The following MGST1 variants were observed in gnomAD, a reference collection of about 807,000 sequenced individuals.
The protein encoded by MGST1 is glutathione S-transferase 12.
Under a neutral mutation model 8.9 loss-of-function variants are expected in MGST1, and 5 were observed. The ratio of observed to expected loss-of-function variants is 0.56; its 90% confidence interval spans 0.29 to 1.19. The LOEUF (loss-of-function observed/expected upper bound fraction) is 1.19. Ranked by LOEUF, MGST1 falls within the 50% of genes most tolerant of loss-of-function variation. The pLI, the probability that MGST1 is intolerant of heterozygous loss-of-function variation, is 0.08. For missense variants in MGST1, 182 were observed against 187.4 expected (o/e 0.97, Z 0.17); for synonymous variants, 54 against 67.8 (o/e 0.80, Z 1.00).
intron 4 of MGST1, among the ~76,000 whole-genome samples, chr12:16,448,327 A>AT (rs1338059439): frequency 1.3e-5 from 2 of 151,884 alleles, no homozygotes; most frequent in Non-Finnish European, 1.5e-5. Flanking sequence ...ATGAGGAAGA[A>AT]TTTTTGAAAG....
chr12:16,465,780 CA>C (rs1304761549), intron 4 of MGST1, among the ~76,000 whole-genome samples: 1 of 152,114 alleles, frequency 6.6e-6, no homozygotes, highest in Non-Finnish European at 1.5e-5. Flanking sequence ...CTCCTTCCCC[CA>C]CCCCAATCTG....
chr12:16,362,128 T>C lies in MGST1; in HGVS notation c.222-1667T>C, dbSNP rs4149204. On this transcript the variant is annotated intron_variant, in intron 3 of 3. Transcript: ENST00000396210. The surrounding 1 kb of genome is among the most constrained non-coding windows in gnomAD (Gnocchi z 4.4). ...CTAAGATTGGAGGTGACGATATCTC[T>C]GTGATGCTGGGGGAGAAATCACAGG... Among the ~76,000 whole-genome samples, 43,228 of 152,082 alleles carry C rather than the reference T, an allele frequency of 0.28. 6,299 individuals carry two copies. Among genetic ancestry groups the C allele is most frequent in the Middle Eastern group, 0.31 (92 of 294 alleles).
In MGST1 at chr12:16,413,046, C is replaced by G. The variant is rs752093435; in HGVS notation, n.779-24342C>G. Among the ~76,000 whole-genome samples, 4 of 152,092 alleles carry G rather than the reference C, an allele frequency of 2.6e-5. No individual in the cohort carries two copies. The highest frequency in any genetic ancestry group is 5.9e-5 in the Non-Finnish European group (4 of 68,028). On this transcript the variant is annotated intron_variant and non_coding_transcript_variant, in intron 1 of 1. Coordinates refer to the MGST1 transcript ENST00000359720. The surrounding 1 kb of genome is among the most constrained non-coding windows in gnomAD (Gnocchi z 4.0). ...GAGTAGGGAACTCCTCAGTCCACCC[C>G]ACCTGTCCTGGATGGTGATAGTGAA...
rs1468822887 is a variant in MGST1 at position 16,363,663 on chromosome 12, A to G, written c.222-132A>G. The G allele has an allele frequency of 6.9e-6, 5 of 727,278 alleles. No homozygotes were observed. In the African/African-American group the frequency reaches 8.9e-5, roughly 13 times the overall value. 45.1% of individuals were successfully genotyped at this position (727,278 alleles called of 1,614,324 possible). ...GCAAGGAAGCAAGACAATTTGAGAG[A>G]AAAAAAATAAATCTTACTTTGAAAT... is the stretch of plus-strand genomic sequence containing the variant. On this transcript the variant is annotated intron_variant, in intron 3 of 3. Transcript: ENST00000396210. The surrounding 1 kb of genome is among the most constrained non-coding windows in gnomAD (Gnocchi z 4.6).
intron 4 of MGST1, among the ~76,000 whole-genome samples, chr12:16,521,915 A>T (rs531490569): frequency 6.0e-5 from 9 of 150,786 alleles, no homozygotes; most frequent in African/African-American, 2.2e-4. Flanking sequence ...ACACCTTTGA[A>T]CTGATCTATC....
At chr12:16,472,239 T>C (rs1287661726) in intron 4 of MGST1, among the ~76,000 whole-genome samples, 1 of 149,496 alleles carries the variant, frequency 6.7e-6, no homozygotes, top group Non-Finnish European at 1.5e-5. Flanking sequence ...ATAAAACAAC[T>C]TTTTTCTTGT....
intron 1 of MGST1, among the ~76,000 whole-genome samples, chr12:16,429,185 A>G (rs1053587310): frequency 1.3e-5 from 2 of 152,050 alleles, no homozygotes; most frequent in African/African-American, 4.8e-5. Context: ...TGTGCCTTGC[A>G]CTTCTGAATC....
intron 4 of MGST1, among the ~76,000 whole-genome samples, chr12:16,515,475 A>G (rs1941606203): frequency 1.3e-5 from 2 of 151,936 alleles, no homozygotes; most frequent in Non-Finnish European, 2.9e-5. Flanking sequence ...CGTCTCTACT[A>G]AAAAATCAGT....
intron 2 of MGST1, among the ~76,000 whole-genome samples, chr12:16,356,052 C>G (rs1939701291): frequency 6.6e-6 from 1 of 152,186 alleles, no homozygotes; most frequent in African/African-American, 2.4e-5. Context: ...AGCAAACTCT[C>G]TCCTTTCTCT....
At chr12:16,394,409 T>A (rs1232681541) in intron 1 of MGST1, among the ~76,000 whole-genome samples, 2 of 151,838 alleles carry the variant, frequency 1.3e-5, no homozygotes, top group Non-Finnish European at 2.9e-5. Flanking sequence ...TTTCTTTCTT[T>A]CTTTCTCACT....
At chr12:16,360,173 A>G (rs1939922859) in intron 3 of MGST1, 1 of 167,714 alleles carries the variant, frequency 6.0e-6, no homozygotes, top group Non-Finnish European at 1.2e-5. Flanking sequence ...TTGAGACAGT[A>G]CCTGTTTCAT....
At chr12:16,526,752 T>C (rs947457528) in intron 4 of MGST1, among the ~76,000 whole-genome samples, 1 of 151,914 alleles carries the variant, frequency 6.6e-6, no homozygotes, top group Non-Finnish European at 1.5e-5. Flanking sequence ...TAAAATTGGT[T>C]TTAAAGAGGC....
intron 4 of MGST1, among the ~76,000 whole-genome samples, chr12:16,578,914 C>T (rs1183490848): frequency 5.9e-5 from 9 of 152,102 alleles, no homozygotes; most frequent in Non-Finnish European, 1.2e-4. Flanking sequence ...TGGTTCTATA[C>T]TTAACAAAGT....
rs545350239 is a variant in MGST1, at chr12:16,513,736, G to A, written n.483-75792G>A. On this transcript the variant is annotated intron_variant and non_coding_transcript_variant, in intron 4 of 4. Transcript: ENST00000538857. This position sits in a 1 kb window ranked among gnomAD's most constrained non-coding sequence, Gnocchi z 4.2. ...AGAAGTAGCCTTGGGCGAGAATAGC[G>A]AAGTCTCGAAAAGTGGCCGGTTTGT... is the stretch of plus-strand genomic sequence containing the variant. 244 of 570,952 alleles carry A rather than the reference G, an allele frequency of 4.3e-4. 3 individuals are homozygous for A. Among genetic ancestry groups the A allele is most frequent in the South Asian group, 3.3e-3 (238 of 71,262 alleles). The allele number at this position is 570,952 out of a possible 1,614,324, so 35.4% of individuals were successfully genotyped here.
At chr12:16,589,855 A>G (rs933018139), downstream of MGST1, among the ~76,000 whole-genome samples, 3 of 152,098 alleles carry the variant, frequency 2.0e-5, no homozygotes, top group Admixed American at 2.0e-4. The surrounding 1 kb of genome is among the most constrained non-coding windows in gnomAD (Gnocchi z 4.2). Context: ...AAAAGCCCCC[A>G]AGATGCAGAC....
chr12:16,475,830 A>G (rs904086492), intron 4 of MGST1, among the ~76,000 whole-genome samples: 1 of 152,134 alleles, frequency 6.6e-6, no homozygotes, highest in Non-Finnish European at 1.5e-5. Flanking sequence ...AGCATCTACT[A>G]TGTGCCTGAT....
intron 4 of MGST1, among the ~76,000 whole-genome samples, chr12:16,512,277 T>TA (rs761588521): frequency 2.0e-5 from 3 of 151,854 alleles, no homozygotes; most frequent in African/African-American, 4.8e-5. Context: ...TTGGTAGCAG[T>TA]AAAAAAAATT....
At chr12:16,435,721 G>A (rs1443398314) in intron 1 of MGST1, among the ~76,000 whole-genome samples, 2 of 151,458 alleles carry the variant, frequency 1.3e-5, no homozygotes, top group African/African-American at 4.9e-5. Context: ...TGTAACCCTA[G>A]ACTTCTAAGA....
intron 4 of MGST1, among the ~76,000 whole-genome samples, chr12:16,481,367 A>T (rs1323543306): frequency 5.3e-5 from 8 of 152,208 alleles, no homozygotes. Context: ...GCATGACTCA[A>T]ACTAAATATT....
Sources: gnomAD v4.1 joint callset for allele counts (sites outside exome capture counted in the v4.1 genomes callset) on GRCh38, gnomAD v4.1.1 for gene constraint, Gnocchi (gnomAD v3.1) non-coding constraint, MANE v1.5 for transcripts, NCBI Gene and HGNC (gene_info 2026-07-23, HGNC 2026-07-21) for gene names.